Variants in MDN1 observed in about 807,000 individuals in gnomAD.
MDN1 encodes the protein midasin AAA ATPase 1, also known as midasin.
Under a neutral mutation model 669.2 loss-of-function variants are expected in MDN1, and 266 were observed. The observed-to-expected ratio is 0.40, with a 90% confidence interval of 0.36 to 0.44. The LOEUF is 0.44. Ranked by LOEUF, MDN1 falls within the 20% of genes least tolerant of loss-of-function variation. The pLI is 1.00. For missense variants in MDN1, 5,940 were observed against 6,754.0 expected (o/e 0.88, Z 4.22); for synonymous variants, 2,385 against 2,457.1 (o/e 0.97, Z 0.87).
chr6:89,781,220 A>T (rs770875708), intron 10 of MDN1, 179 bp downstream of exon 10: 2 of 626,972 alleles, frequency 3.2e-6, no homozygotes, highest in Admixed American at 5.7e-5. Context: ...ACCATGAAGC[A>T]ACCTATAATT....
intron 76 of MDN1, 124 bp downstream of exon 76, chr6:89,677,446 T>C (rs1811272119): frequency 8.0e-7 from 1 of 1,251,968 alleles, no homozygotes; most frequent in Non-Finnish European, 1.1e-6. Context: ...CCAGGCACTT[T>C]TGTAAGTGGT....
rs181617146 is a variant in MDN1, at chr6:89,819,033, T to A, written c.102+473A>T. Reference sequence around the variant, plus strand: ...CCCTCATGGCAGAGATCGTAACGAATTTATCTATCCACTTTCTCACAGCGC... The same window carrying A: ...CCCTCATGGCAGAGATCGTAACGAAATTATCTATCCACTTTCTCACAGCGC... On this transcript the variant is annotated intron_variant, in intron 1 of 101. Coordinates refer to ENST00000369393, the MANE Select transcript of MDN1 (RefSeq NM_014611.3). Among the ~76,000 whole-genome samples the A allele has an allele frequency of 5.9e-5, 9 of 152,254 alleles. No homozygotes were observed. In the East Asian group the frequency reaches 1.7e-3, roughly 29 times the overall value.
intron 9 of MDN1, among the ~76,000 whole-genome samples, chr6:89,784,314 A>C (rs563790094): frequency 1.5e-3 from 230 of 151,674 alleles, no homozygotes; most frequent in African/African-American, 5.3e-3. Flanking sequence ...GAAACTGTTT[A>C]AAAAAAAATA....
chr6:89,807,010 G>GA (rs1768067357), intron 1 of MDN1, among the ~76,000 whole-genome samples: 1 of 152,082 alleles, frequency 6.6e-6, no homozygotes, highest in Non-Finnish European at 1.5e-5. Context: ...GGTATCCTGT[G>GA]ATCTTATGAA....
At position 89,692,355 on chromosome 6, in the gene MDN1, G is replaced by A. The variant is rs1812426444; in HGVS notation, c.10587+88C>T. On this transcript the variant is annotated intron_variant, in intron 63 of 101. Coordinates refer to ENST00000369393, the MANE Select transcript of MDN1 (RefSeq NM_014611.3). ...CCCCAACGACACTGTGTATCTACTA[G>A]GCATGCTAATGTCCTGCAGGCCGCC... 3.5e-6 allele frequency: 4 copies of A among 1,147,178 alleles called. No individual in the cohort carries two copies. The South Asian group carries it at 6.2e-5, about 18-fold the overall frequency. The allele number at this position is 1,147,178 out of a possible 1,614,324, so 71.1% of individuals were successfully genotyped here.
At chr6:89,791,808 C>CA (rs920289130) in intron 5 of MDN1, among the ~76,000 whole-genome samples, 4 of 147,068 alleles carry the variant, frequency 2.7e-5, no homozygotes, top group African/African-American at 1.0e-4. Context: ...TCTGTCTCTA[C>CA]AAAAAATGTG....
intron 5 of MDN1, 117 bp downstream of exon 5, chr6:89,793,645 A>G (rs1819400558): frequency 1.4e-6 from 1 of 737,742 alleles, no homozygotes; most frequent in East Asian, 2.9e-5. Flanking sequence ...AAAATGAAGC[A>G]GCAATTTAAC....
chr6:89,701,442 A>G, intron 55 of MDN1, 116 bp downstream of exon 55: 1 of 1,346,412 alleles, frequency 7.4e-7, no homozygotes, highest in Middle Eastern at 2.0e-4. Flanking sequence ...GAAAACTGCA[A>G]GAGTTATGCT....
chr6:89,802,758 A>T (rs1458784583), intron 2 of MDN1, among the ~76,000 whole-genome samples: 2 of 152,152 alleles, frequency 1.3e-5, no homozygotes, highest in Non-Finnish European at 2.9e-5. Context: ...TTACAGTGAA[A>T]GTTTTAAAAA....
rs1812050917 is a variant in MDN1 at position 89,686,902 on chromosome 6, C to G, written c.11572G>C (p.Asp3858His). ...HMQEQTEEQE[D>H]DKQMTLMLLV... ...CAGGAAATGTACTGCTAGGCATTAC[C>G]TTCCTGTTCTTCTGTTTGTTCCTGC... The change falls in exon 69 of 102, where the codon GAT becomes CAT. Residue 3858 changes from aspartate (D) to histidine (H), a missense_variant and splice_region_variant. Asp to His is a moderately conservative substitution (Grantham distance 81, BLOSUM62 -1). This residue lies in a region of MDN1 where 2,280 missense variants were observed against 2,576.3 expected (regional missense o/e 0.88). Transcript: ENST00000369393. The G allele has an allele frequency of 6.2e-7, 1 of 1,613,596 alleles. No homozygotes were observed. Among genetic ancestry groups the G allele is most frequent in the South Asian group, 1.1e-5 (1 of 91,064 alleles).
chr6:89,730,398 G>C (rs1044971525), intron 35 of MDN1, among the ~76,000 whole-genome samples: 4 of 152,282 alleles, frequency 2.6e-5, no homozygotes, highest in African/African-American at 9.6e-5. Flanking sequence ...ATAGGTCTTT[G>C]CAAGCCACTT....
Position 89,728,947 on chromosome 6 carries a change from T to C in MDN1, c.5333A>G (p.Asn1778Ser), listed in dbSNP as rs139486035. 1 of 1,614,012 alleles carries C rather than the reference T, an allele frequency of 6.2e-7. No individual in the cohort carries two copies. The highest frequency in any genetic ancestry group is 1.3e-5 in the African/African-American group (1 of 75,060). ...KASGNTLVRINLSEQTDITDL... is the reference protein window; with the variant it reads ...KASGNTLVRISLSEQTDITDL... ...CGAGCTTACCGTTTGCTCTGATAAG[T>C]TGATTCTAACAAGGGTATTTCCTGA... The change falls in exon 36 of 102, where the codon AAC becomes AGC. Residue 1778 changes from asparagine to serine, a missense_variant. By Grantham distance (46) the Asn-to-Ser change is conservative. This residue lies in a region of MDN1 where 2,292 missense variants were observed against 2,638.3 expected (regional missense o/e 0.87). Coordinates refer to ENST00000369393, the MANE Select transcript of MDN1 (RefSeq NM_014611.3).
chr6:89,679,200 A>G (rs994075006), intron 74 of MDN1, among the ~76,000 whole-genome samples: 3 of 152,202 alleles, frequency 2.0e-5, no homozygotes, highest in African/African-American at 7.2e-5. Context: ...CAACTTCAGA[A>G]GCACCTATTT....
At chr6:89,712,390 G>T (rs1448057244) in intron 48 of MDN1, 134 bp from the exon 49 acceptor site, 2 of 1,023,172 alleles carry the variant, frequency 2.0e-6, no homozygotes, top group Non-Finnish European at 2.9e-6. Context: ...CACAGAGGAA[G>T]AAAGTTAAAA....
At chr6:89,667,365 G>A (rs1810330786) in intron 84 of MDN1, among the ~76,000 whole-genome samples, 2 of 151,878 alleles carry the variant, frequency 1.3e-5, no homozygotes, top group South Asian at 4.1e-4. Context: ...TCTCTGCCAA[G>A]GAAGGGAGGG....
chr6:89,721,161 G>C (rs754727901), intron 40 of MDN1, among the ~76,000 whole-genome samples: 1 of 152,150 alleles, frequency 6.6e-6, no homozygotes, highest in Admixed American at 6.5e-5. Context: ...ACAGCTTTTC[G>C]AGGTAGGAGT....
At position 89,643,633 on chromosome 6, in the gene MDN1, G is replaced by A. The variant is rs180805152; in HGVS notation, c.*372C>T. On this transcript the variant is annotated 3_prime_UTR_variant, in exon 102 of 102. Coordinates refer to ENST00000369393, the MANE Select transcript of MDN1 (RefSeq NM_014611.3). Reference sequence around the variant, plus strand: ...CCTTTAGTCCTTTATACAAAGGACTGTCAGAGTCCCATGCTCCTGGCAGCA... The same window carrying A: ...CCTTTAGTCCTTTATACAAAGGACTATCAGAGTCCCATGCTCCTGGCAGCA... 5.6e-6 allele frequency: 1 copy of A among 179,206 alleles called. No homozygotes were observed. Among genetic ancestry groups the A allele is most frequent in the African/African-American group, 2.4e-5 (1 of 42,166 alleles). 11.1% of individuals were successfully genotyped at this position (179,206 alleles called of 1,614,324 possible). A position where few individuals can be genotyped will look rare whatever the true frequency, so the allele number is the denominator to read the frequency against.
rs146504285 is a variant in MDN1 at position 89,753,534 on chromosome 6, T to C, written c.3053A>G (p.Asn1018Ser). The C allele has an allele frequency of 3.0e-5, 48 of 1,611,784 alleles. No homozygotes were observed. The African/African-American group carries it at 5.9e-4, about 20-fold the overall frequency. The change falls in exon 22 of 102, where the codon AAT becomes AGT. Residue 1018 changes from asparagine (N) to serine (S), a missense_variant. Transcript: ENST00000369393. The part of the protein sequence containing the change: ...KLICQHIVPG[N>S]VKSLLKQPIP... ...TACCTGCTTCAGCAGACTCTTGACATTGCCAGGGACAATGTGTTGACAGAT... is the reference window on the plus strand; with the variant it reads ...TACCTGCTTCAGCAGACTCTTGACACTGCCAGGGACAATGTGTTGACAGAT...
chr6:89,682,699 T>TAAAAAAAAAAAAAAA (rs143107841), intron 73 of MDN1, among the ~76,000 whole-genome samples: 4 of 96,896 alleles, frequency 4.1e-5, no homozygotes, highest in South Asian at 4.6e-4. Flanking sequence ...GACTCTGTCT[T>TAAAAAAAAAAAAAAA]AAAAAAAAAA....
Sources: gnomAD v4.1 joint callset for allele counts (sites outside exome capture counted in the v4.1 genomes callset) on GRCh38, gnomAD v4.1.1 for gene constraint, gnomAD v4.1.1 regional missense constraint, MANE v1.5 for transcripts, NCBI Gene and HGNC (gene_info 2026-07-23, HGNC 2026-07-21) for gene names.